Variants in SCLT1 observed in about 807,000 individuals in gnomAD.
SCLT1 encodes the protein sodium channel-associated protein 1.
Under a neutral mutation model 112.8 loss-of-function variants are expected in SCLT1, and 78 were observed. The ratio of observed to expected loss-of-function variants is 0.69; its 90% CI spans 0.58 to 0.83. The LOEUF (loss-of-function observed/expected upper bound fraction) is 0.83. SCLT1 is among the 40% of genes least tolerant of loss of function. The pLI is 0.00. For synonymous variants in SCLT1, 257 were observed against 254.7 expected, an observed-to-expected ratio of 1.01 and a Z score of -0.09; for missense variants, 747 against 770.4, an observed-to-expected ratio of 0.97 and a Z score of 0.36.
intron 18 of SCLT1, among the ~76,000 whole-genome samples, chr4:128,927,733 A>G (rs1736410291): frequency 6.6e-6 from 1 of 152,060 alleles, no homozygotes; most frequent in Admixed American, 6.6e-5. Flanking sequence ...GTAAGAAAAA[A>G]GAACAGCAAC....
intron 7 of SCLT1, among the ~76,000 whole-genome samples, chr4:128,998,658 C>A (rs1243734796): frequency 6.6e-6 from 1 of 151,272 alleles, no homozygotes; most frequent in African/African-American, 2.4e-5. Context: ...CCTCAAAGAA[C>A]TTAATATGAA....
chr4:129,002,652 A>G (rs1270648533), intron 6 of SCLT1, among the ~76,000 whole-genome samples: 3 of 152,194 alleles, frequency 2.0e-5, no homozygotes, highest in Non-Finnish European at 4.4e-5. Flanking sequence ...TCAAAAGAAG[A>G]TATTTATGCA....
Position 128,946,293 on chromosome 4 carries a change from A to T in SCLT1, c.1294-141T>A, listed in dbSNP as rs368799503. 68 of 452,438 alleles carry T rather than the reference A, an allele frequency of 1.5e-4. No individual in the cohort carries two copies. In the South Asian group the frequency reaches 4.2e-3, roughly 28 times the overall value. 28.0% of individuals were successfully genotyped at this position (452,438 alleles called of 1,614,324 possible). On this transcript the variant is annotated intron_variant, in intron 15 of 20. Transcript: ENST00000281142. ...CTGACCGTAACATATGAAACATATC[A>T]ATAATTAAATCTGGTTCTGTCACAT...
chr4:128,966,820 A>G (rs1560904211), intron 10 of SCLT1, among the ~76,000 whole-genome samples: 1 of 151,124 alleles, frequency 6.6e-6, no homozygotes, highest in Non-Finnish European at 1.5e-5. Context: ...GAAATATATT[A>G]TTCTAATACT....
chr4:128,888,365 C>T lies in SCLT1; in HGVS notation c.2004+314G>A, dbSNP rs552216553. On this transcript the variant is annotated intron_variant, in intron 20 of 20. Transcript: ENST00000281142. ...CCCAGTAGTTGGAAACAGAGATATGCGCCACTATATTTGGCTAATTTTTAA... is the reference window on the plus strand; with the variant it reads ...CCCAGTAGTTGGAAACAGAGATATGTGCCACTATATTTGGCTAATTTTTAA... Among the ~76,000 whole-genome samples the T allele has an allele frequency of 6.6e-5, 10 of 151,932 alleles. No individual in the cohort carries two copies. In the South Asian group the frequency reaches 8.3e-4, roughly 13 times the overall value.
chr4:128,891,168 T>C (rs1455712620), intron 18 of SCLT1, 31 bp from the exon 19 acceptor site: 15 of 1,488,348 alleles, frequency 1.0e-5, no homozygotes, highest in Non-Finnish European at 1.2e-5. Context: ...TCCATTAATA[T>C]AATTGTTCCA....
Position 129,056,497 on chromosome 4 carries a change from T to A in SCLT1, c.103-12446A>T, listed in dbSNP as rs575387992. ...AACATGGTATGTATTTCTATTTGGATCATTTTCAATTTCTGTCAACATTTA... is the reference window on the plus strand; with the variant it reads ...AACATGGTATGTATTTCTATTTGGAACATTTTCAATTTCTGTCAACATTTA... On this transcript the variant is annotated intron_variant, in intron 2 of 20. Coordinates refer to ENST00000281142, the MANE Select transcript of SCLT1 (RefSeq NM_144643.4). Among the ~76,000 whole-genome samples, 4 of 152,314 alleles carry A rather than the reference T, an allele frequency of 2.6e-5. No individual in the cohort carries two copies. The East Asian group carries it at 7.7e-4, about 29-fold the overall frequency.
chr4:129,080,276 A>T (rs529656904), intron 2 of SCLT1, among the ~76,000 whole-genome samples: 43 of 152,344 alleles, frequency 2.8e-4, no homozygotes, highest in African/African-American at 8.9e-4. Flanking sequence ...GTCAGGCTGT[A>T]AACTTTCCAA....
chr4:129,006,923 T>C (rs2126095569), intron 5 of SCLT1, among the ~76,000 whole-genome samples: 1 of 152,364 alleles, frequency 6.6e-6, no homozygotes, highest in African/African-American at 2.4e-5. Context: ...ATCGCCTTAG[T>C]GGCAACGCCG....
intron 11 of SCLT1, among the ~76,000 whole-genome samples, chr4:128,962,371 T>C (rs1323579637): frequency 2.0e-5 from 3 of 152,234 alleles, no homozygotes. Context: ...TACTTTGTTT[T>C]CCTCCATTTC....
chr4:128,943,313 T>C (rs959094047), intron 16 of SCLT1, 125 bp from the exon 17 acceptor site: 3 of 630,548 alleles, frequency 4.8e-6, no homozygotes, highest in East Asian at 2.9e-5. Context: ...CTTTCCACTT[T>C]AGACTGAAAC....
intron 5 of SCLT1, among the ~76,000 whole-genome samples, chr4:129,022,192 C>G (rs192015286): frequency 6.6e-6 from 1 of 152,298 alleles, no homozygotes; most frequent in East Asian, 1.9e-4. Context: ...GAGGAAAAAT[C>G]AGTGCAAAAA....
chr4:129,039,292 T>C (rs1025575562), intron 4 of SCLT1, 196 bp from the exon 5 acceptor site: 2 of 452,222 alleles, frequency 4.4e-6, no homozygotes, highest in African/African-American at 4.0e-5. Context: ...TCATTTTAAG[T>C]AGAATATAAA....
intron 3 of SCLT1, among the ~76,000 whole-genome samples, chr4:128,878,976 G>A (rs1236130456): frequency 1.3e-5 from 2 of 151,300 alleles, no homozygotes; most frequent in Non-Finnish European, 2.9e-5. Context: ...AAAACAAAAA[G>A]AGGCTCACTC....
At chr4:129,002,668 CAA>C (rs1743616167) in intron 6 of SCLT1, among the ~76,000 whole-genome samples, 1 of 151,752 alleles carries the variant, frequency 6.6e-6, no homozygotes, top group Admixed American at 6.6e-5. Flanking sequence ...ATGCAGGCAA[CAA>C]ACATATGAAA....
chr4:129,016,838 C>G (rs1745036476), intron 5 of SCLT1, among the ~76,000 whole-genome samples: 1 of 152,160 alleles, frequency 6.6e-6, no homozygotes, highest in Admixed American at 6.6e-5. Flanking sequence ...TTTCTTTAAA[C>G]AGATTCGATT....
At chr4:128,917,473 G>T (rs546536617) in intron 18 of SCLT1, among the ~76,000 whole-genome samples, 9 of 151,950 alleles carry the variant, frequency 5.9e-5, no homozygotes, top group Non-Finnish European at 1.2e-4. Flanking sequence ...TTATTTTATA[G>T]CCACAGTCCA....
In SCLT1 at chr4:128,890,887, T is replaced by C. The variant is rs75022271; in HGVS notation, c.1908+172A>G. On this transcript the variant is annotated intron_variant, in intron 19 of 20. Coordinates refer to ENST00000281142, the MANE Select transcript of SCLT1 (RefSeq NM_144643.4). ...TTATTTACATATGATGAATCACTGATGTTCAAAGCTTTTATTCACATTATA... is the reference window on the plus strand; with the variant it reads ...TTATTTACATATGATGAATCACTGACGTTCAAAGCTTTTATTCACATTATA... Among the ~76,000 whole-genome samples, 2,822 of 152,318 alleles carry C rather than the reference T, an allele frequency of 0.019. 115 individuals are homozygous for C. The highest frequency in any genetic ancestry group is 0.065 in the African/African-American group (2,695 of 41,570).
At chr4:129,048,009 T>A (rs1748354513) in intron 2 of SCLT1, among the ~76,000 whole-genome samples, 1 of 152,148 alleles carries the variant, frequency 6.6e-6, no homozygotes, top group Non-Finnish European at 1.5e-5. Flanking sequence ...TTTGTCTATA[T>A]TTGCCTTTCT....
Sources: allele counts gnomAD v4.1 joint callset (sites outside exome capture counted in the v4.1 genomes callset), GRCh38; gene constraint gnomAD v4.1.1; transcripts MANE v1.5; gene names NCBI Gene and HGNC (gene_info 2026-07-23, HGNC 2026-07-21).